The following SLC35F4 variants were observed in gnomAD, a reference collection of about 807,000 sequenced individuals.
The protein encoded by SLC35F4 is solute carrier family 35 member F4, also known as chromosome 14 open reading frame 36.
In SLC35F4, 24 loss-of-function variants were observed where a neutral mutation model predicts 44.2. The ratio of observed to expected loss-of-function variants is 0.54; its 90% CI spans 0.39 to 0.76. The LOEUF (loss-of-function observed/expected upper bound fraction) is 0.76, where lower values mean the gene tolerates loss of function less well. SLC35F4 is among the 30% of genes least tolerant of loss of function. The pLI, the probability that SLC35F4 is intolerant of heterozygous loss-of-function variation, is 0.00. For synonymous variants in SLC35F4, 238 were observed against 223.6 expected (o/e 1.06, Z -0.57); for missense variants, 562 against 586.1 (o/e 0.96, Z 0.42).
At chr14:57,629,831 G>A in intron 1 of SLC35F4, 2 of 333,554 alleles carry the variant, frequency 6.0e-6, no homozygotes, top group South Asian at 4.9e-5. Context: ...TGGGAGTGGA[G>A]GATCGGCAGC....
intron 1 of SLC35F4, among the ~76,000 whole-genome samples, chr14:57,744,367 C>T (rs2076700251): frequency 6.6e-6 from 1 of 152,210 alleles, no homozygotes; most frequent in Admixed American, 6.5e-5. Flanking sequence ...TGATAAGCAA[C>T]TTCAGCAAAG....
chr14:57,664,869 A>T (rs764002303), intron 1 of SLC35F4, among the ~76,000 whole-genome samples: 2 of 152,162 alleles, frequency 1.3e-5, no homozygotes, highest in Non-Finnish European at 2.9e-5. Context: ...AAATCTACTA[A>T]GCCACAGTGA....
chr14:57,786,286 T>C (rs951162326), intron 1 of SLC35F4, among the ~76,000 whole-genome samples: 1 of 152,076 alleles, frequency 6.6e-6, no homozygotes, highest in African/African-American at 2.4e-5. Flanking sequence ...GTGTCTGAGC[T>C]CAGATATGTC....
intron 1 of SLC35F4, among the ~76,000 whole-genome samples, chr14:57,940,426 T>C (rs1357491882): frequency 6.6e-6 from 1 of 152,128 alleles, no homozygotes; most frequent in Admixed American, 6.5e-5. Flanking sequence ...GTTGAAGCTT[T>C]CATCACCTCA....
intron 1 of SLC35F4, among the ~76,000 whole-genome samples, chr14:57,912,180 T>C (rs60594384): frequency 0.14 from 21,231 of 151,950 alleles, 1,654 homozygotes; most frequent in Middle Eastern, 0.21. Context: ...AGAAGATTAC[T>C]AATTTTATTG....
At chr14:57,710,570 G>C (rs946741339) in intron 1 of SLC35F4, among the ~76,000 whole-genome samples, 49 of 152,086 alleles carry the variant, frequency 3.2e-4, no homozygotes, top group Admixed American at 7.2e-4. Context: ...GATACTCAAA[G>C]CAGTCTATAA....
At chr14:57,649,334 G>A (rs566138500) in intron 1 of SLC35F4, among the ~76,000 whole-genome samples, 4 of 152,236 alleles carry the variant, frequency 2.6e-5, no homozygotes, top group African/African-American at 9.6e-5. Context: ...ATTCCTTCTG[G>A]AGGTTCCAGG....
At chr14:57,870,609 T>C (rs1888277949), upstream of SLC35F4, among the ~76,000 whole-genome samples, 2 of 152,234 alleles carry the variant, frequency 1.3e-5, no homozygotes, top group South Asian at 4.1e-4. Context: ...TTTCCTCCTC[T>C]GTAAAATGGG....
At chr14:57,802,985 CAAAAAAAAAAA>C (rs59647111) in intron 1 of SLC35F4, among the ~76,000 whole-genome samples, 1 of 71,320 alleles carries the variant, frequency 1.4e-5, no homozygotes, top group Non-Finnish European at 2.6e-5. Flanking sequence ...GCAGAGATAC[CAAAAAAAAAAA>C]AAAAAAAAAA....
At chr14:57,762,203 C>T (rs1434320643) in intron 1 of SLC35F4, among the ~76,000 whole-genome samples, 1 of 152,140 alleles carries the variant, frequency 6.6e-6, no homozygotes, top group Non-Finnish European at 1.5e-5. Context: ...AACGCTGCCT[C>T]CCTCCCAAAC....
chr14:57,673,935 C>A (rs576149736), intron 1 of SLC35F4, among the ~76,000 whole-genome samples: 1 of 152,068 alleles, frequency 6.6e-6, no homozygotes, highest in Non-Finnish European at 1.5e-5. Flanking sequence ...CAGTAAACAA[C>A]CCTCAAAAAT....
At position 57,791,482 on chromosome 14, in the gene SLC35F4, A is replaced by T. The variant is rs542608916; in HGVS notation, c.103+74241T>A. On this transcript the variant is annotated intron_variant, in intron 1 of 7. Coordinates refer to ENST00000556826, the MANE Select transcript of SLC35F4 (RefSeq NM_001306087.2). ...GATCATTAAAAAGTCAGGAAACAAC[A>T]GATGCTGGAGAGGATGTGGAGAAAG... 1.1e-4 allele frequency among the ~76,000 whole-genome samples: 17 copies of T among 152,338 alleles called. 1 individual carries two copies. The South Asian group carries it at 3.3e-3, about 30-fold the overall frequency.
intron 1 of SLC35F4, among the ~76,000 whole-genome samples, chr14:57,714,548 G>A (rs1026688040): frequency 5.9e-5 from 9 of 152,116 alleles, no homozygotes; most frequent in African/African-American, 1.9e-4. Context: ...GCCCTGAAGT[G>A]TTTGTTTTTC....
chr14:57,634,053 G>A (rs1220837237), intron 1 of SLC35F4, among the ~76,000 whole-genome samples: 2 of 152,092 alleles, frequency 1.3e-5, no homozygotes, highest in Non-Finnish European at 1.5e-5. Flanking sequence ...GCTCAGCTGT[G>A]TTAAAGCTGT....
intron 1 of SLC35F4, among the ~76,000 whole-genome samples, chr14:57,875,612 C>A (rs1359649561): frequency 6.6e-6 from 1 of 152,154 alleles, no homozygotes; most frequent in Non-Finnish European, 1.5e-5. Context: ...AACTGGGCCA[C>A]ATATCTCATG....
At chr14:57,722,264 G>A (rs1419840024) in intron 1 of SLC35F4, among the ~76,000 whole-genome samples, 6 of 152,174 alleles carry the variant, frequency 3.9e-5, no homozygotes, top group Non-Finnish European at 8.8e-5. Flanking sequence ...TATTTGGTTA[G>A]CTGAAATATG....
chr14:57,930,332 A>G (rs1889673447), intron 1 of SLC35F4, among the ~76,000 whole-genome samples: 1 of 152,150 alleles, frequency 6.6e-6, no homozygotes, highest in African/African-American at 2.4e-5. Flanking sequence ...GATGCTTGGC[A>G]TCTTCTGACT....
At chr14:57,643,825 T>A (rs960798190) in intron 1 of SLC35F4, among the ~76,000 whole-genome samples, 2 of 151,868 alleles carry the variant, frequency 1.3e-5, no homozygotes, top group African/African-American at 2.4e-5. Context: ...TGTCCATGTG[T>A]TCTCATTGTT....
chr14:57,861,466 A>G (rs1887673656), intron 1 of SLC35F4, among the ~76,000 whole-genome samples: 2 of 152,202 alleles, frequency 1.3e-5, no homozygotes, highest in South Asian at 4.1e-4. Flanking sequence ...CAATCTTTAA[A>G]GAAAGAAAAA....
Sources: gnomAD v4.1 joint callset for allele counts (sites outside exome capture counted in the v4.1 genomes callset) on GRCh38, gnomAD v4.1.1 for gene constraint, MANE v1.5 for transcripts, NCBI Gene and HGNC (gene_info 2026-07-23, HGNC 2026-07-21) for gene names.